ACADSB: variants seen among roughly 807,000 people sequenced by gnomAD.
ACADSB encodes short/branched chain specific acyl-CoA dehydrogenase, mitochondrial.
ACADSB carries 40 observed loss-of-function variants against 54.1 expected under a neutral mutation model. The observed-to-expected ratio is 0.74, with a 90% CI of 0.57 to 0.96. ACADSB has a LOEUF of 0.96. ACADSB is among the 40% of genes least tolerant of loss of function. The pLI is 0.00. For missense variants in ACADSB, 530 were observed against 510.4 expected (o/e 1.04, Z -0.37); for synonymous variants, 182 against 182.8 (o/e 1.00, Z 0.03).
intron 1 of ACADSB, among the ~76,000 whole-genome samples, chr10:123,021,421 T>C (rs573816934): frequency 6.6e-6 from 1 of 152,328 alleles, no homozygotes; most frequent in East Asian, 1.9e-4. Flanking sequence ...AGAGAATTTC[T>C]TTTACAAGAT....
intron 7 of ACADSB, among the ~76,000 whole-genome samples, chr10:123,045,293 C>T (rs1200234158): frequency 1.3e-4 from 19 of 146,648 alleles, no homozygotes; most frequent in African/African-American, 4.3e-4. Flanking sequence ...ATTCTCCTGC[C>T]TCAGCCTCCC....
intron 8 of ACADSB, 150 bp from the exon 9 acceptor site, chr10:123,050,899 T>A (rs1032226024): frequency 8.3e-6 from 6 of 719,018 alleles, no homozygotes; most frequent in Non-Finnish European, 1.3e-5. Flanking sequence ...TTTAGATTAC[T>A]CATTTTAAAG....
chr10:123,045,162 TATATATA>T (rs1300509109), intron 7 of ACADSB, among the ~76,000 whole-genome samples: 167 of 15,128 alleles, frequency 0.011, 5 homozygotes, highest in African/African-American at 0.044. Flanking sequence ...TATATATATA[TATATATA>T]TATTTTTTTT....
At chr10:123,009,391 C>T (rs1306405750) in intron 1 of ACADSB, among the ~76,000 whole-genome samples, 1 of 152,192 alleles carries the variant, frequency 6.6e-6, no homozygotes, top group African/African-American at 2.4e-5. Context: ...GAGTCTGGAT[C>T]TCTGGATCTC....
At chr10:123,022,362 G>T (rs1850194380) in intron 1 of ACADSB, among the ~76,000 whole-genome samples, 1 of 152,200 alleles carries the variant, frequency 6.6e-6, no homozygotes, top group Non-Finnish European at 1.5e-5. Context: ...GTAAAATGAT[G>T]AAGCCACAGC....
intron 1 of ACADSB, among the ~76,000 whole-genome samples, chr10:123,011,711 C>A (rs1850038838): frequency 6.6e-6 from 1 of 151,710 alleles, no homozygotes; most frequent in African/African-American, 2.4e-5. Context: ...AGTTTTAGTA[C>A]AGATGGGGTT....
chr10:123,047,284 C>A lies in ACADSB; in HGVS notation c.976C>A (p.Leu326Ile). 6.3e-7 allele frequency: 1 copy of A among 1,587,410 alleles called. No homozygotes were observed. Among genetic ancestry groups the A allele is most frequent in the East Asian group, 2.2e-5 (1 of 44,762 alleles). ...IKERIQFGKR[L>I]FDFQGLQHQV... is the part of the protein sequence containing the mutation. ...AGAAAGGATACAATTTGGCAAAAGA[C>A]TATTTGATTTTCAGGTATGTAATTA... The change falls in exon 8 of 11, where the codon CTA becomes ATA. Residue 326 changes from leucine (L) to isoleucine (I), a missense_variant. Physicochemically the swap from Leu to Ile is conservative, Grantham distance 5. Coordinates refer to ENST00000358776, the MANE Select transcript of ACADSB (RefSeq NM_001609.4).
rs572164521 is a variant in ACADSB at position 123,042,218 on chromosome 10, G to A, written c.682-828G>A. On this transcript the variant is annotated intron_variant, in intron 5 of 10. Transcript: ENST00000358776. ...TGACGTCGGATGATCTGCCTGCCTC[G>A]GCCTCCCAAATTGCTGGGATTATAG... Among the ~76,000 whole-genome samples the A allele has an allele frequency of 5.9e-5, 9 of 151,698 alleles. No homozygotes were observed. The East Asian group carries it at 9.7e-4, about 16-fold the overall frequency.
At chr10:123,044,285 T>G in intron 6 of ACADSB, 108 bp from the exon 7 acceptor site, 1 of 971,872 alleles carries the variant, frequency 1.0e-6, no homozygotes, top group East Asian at 2.6e-5. Flanking sequence ...GCAAGTTCTG[T>G]GAGAGGGCTA....
intron 1 of ACADSB, among the ~76,000 whole-genome samples, chr10:123,012,452 C>A (rs1019978262): frequency 6.6e-6 from 1 of 152,160 alleles, no homozygotes; most frequent in Non-Finnish European, 1.5e-5. Flanking sequence ...TTGGTGGGTT[C>A]TTGGTCTCAC....
intron 5 of ACADSB, among the ~76,000 whole-genome samples, chr10:123,042,658 G>C (rs1311731144): frequency 6.6e-6 from 1 of 151,792 alleles, no homozygotes; most frequent in South Asian, 2.1e-4. Flanking sequence ...ATGTTGGCCA[G>C]GCTGGTTTCA....
chr10:123,053,702 A>G lies in ACADSB; in HGVS notation c.1236A>G (p.Ile412Met), dbSNP rs779128170. Reference protein sequence around the residue: ...KYFRDAKIGTIYEGASNIQLN... With the variant: ...KYFRDAKIGTMYEGASNIQLN... ...TGCTTCCTTTTGCTTAAGGTACGAT[A>G]TATGAAGGAGCTTCCAACATCCAGT... The change falls in exon 11 of 11, where the codon ATA becomes ATG. Residue 412 changes from isoleucine to methionine, a missense_variant. Ile to Met is a conservative substitution (Grantham distance 10). Transcript: ENST00000358776. 10 of 1,613,746 alleles carry G rather than the reference A, an allele frequency of 6.2e-6. No homozygotes were observed. The highest frequency in any genetic ancestry group is 3.3e-5 in the South Asian group (3 of 91,078).
At position 123,057,806 on chromosome 10, in the gene ACADSB, A is replaced by G. The variant is rs1850727303; in HGVS notation, c.*4041A>G. On this transcript the variant is annotated 3_prime_UTR_variant, in exon 11 of 11. Transcript: ENST00000358776. Reference sequence around the variant, plus strand: ...TAGCACAGATTACTTGCCTAAGATCATCCAGGAACGAAGACAAGAATCCAA... The same window carrying G: ...TAGCACAGATTACTTGCCTAAGATCGTCCAGGAACGAAGACAAGAATCCAA... 1 of 152,256 alleles carries G rather than the reference A, an allele frequency of 6.6e-6. No homozygotes were observed. The highest frequency in any genetic ancestry group is 2.1e-4 in the South Asian group (1 of 4,822). The allele number at this position is 152,256 out of a possible 1,614,324, so 9.4% of individuals were successfully genotyped here.
intron 10 of ACADSB, 29 bp downstream of exon 10, chr10:123,053,189 A>G (rs372431540): frequency 7.8e-6 from 12 of 1,536,028 alleles, no homozygotes; most frequent in Middle Eastern, 1.7e-4. Flanking sequence ...TTTACATTTT[A>G]TTTTGTTTTA....
intron 1 of ACADSB, among the ~76,000 whole-genome samples, chr10:123,030,166 C>T (rs187085434): frequency 1.3e-5 from 2 of 152,332 alleles, no homozygotes; most frequent in Middle Eastern, 3.4e-3. Context: ...TTTATCTTTA[C>T]TATCACTAAA....
intron 1 of ACADSB, among the ~76,000 whole-genome samples, chr10:123,009,811 A>G (rs1849988809): frequency 6.6e-6 from 1 of 152,160 alleles, no homozygotes; most frequent in South Asian, 2.1e-4. Flanking sequence ...TATGCTCTTC[A>G]CCCCTTGGAC....
Position 123,051,038 on chromosome 10 carries a change from G to T in ACADSB, c.991-11G>T. 2 of 1,611,234 alleles carry T rather than the reference G, an allele frequency of 1.2e-6. No individual in the cohort carries two copies. Among genetic ancestry groups the T allele is most frequent in the South Asian group, 2.2e-5 (2 of 90,740 alleles). Reference sequence around the variant, plus strand: ...AATCATAATTCTCTAACTTGGGCCTGACTGTTACAGGGCCTCCAACACCAA... The same window carrying T: ...AATCATAATTCTCTAACTTGGGCCTTACTGTTACAGGGCCTCCAACACCAA... On this transcript the variant is annotated splice_polypyrimidine_tract_variant and intron_variant, in intron 8 of 10. Coordinates refer to ENST00000358776, the MANE Select transcript of ACADSB (RefSeq NM_001609.4).
intron 1 of ACADSB, among the ~76,000 whole-genome samples, chr10:123,016,567 C>T (rs755076985): frequency 1.3e-5 from 2 of 152,168 alleles, no homozygotes; most frequent in Non-Finnish European, 2.9e-5. Flanking sequence ...TATAGACATA[C>T]GGAGTCCTTC....
At chr10:123,033,534 T>C (rs1850356341) in intron 1 of ACADSB, among the ~76,000 whole-genome samples, 1 of 152,230 alleles carries the variant, frequency 6.6e-6, no homozygotes, top group South Asian at 2.1e-4. Flanking sequence ...TTACTGCTGC[T>C]GTTTCTGTGA....
Sources: allele counts gnomAD v4.1 joint callset (sites outside exome capture counted in the v4.1 genomes callset), GRCh38; gene constraint gnomAD v4.1.1; transcripts MANE v1.5; gene names NCBI Gene and HGNC (gene_info 2026-07-23, HGNC 2026-07-21).